DNAH9: variants seen among roughly 807,000 people sequenced by gnomAD.
The protein encoded by DNAH9 is DNAH9 variant protein.
Under a neutral mutation model 471.6 loss-of-function variants are expected in DNAH9, and 345 were observed. The observed-to-expected ratio is 0.73, with a 90% CI of 0.67 to 0.80. The LOEUF (loss-of-function observed/expected upper bound fraction) is 0.80. Ranked by LOEUF, DNAH9 falls within the 30% of genes least tolerant of loss-of-function variation. The pLI is 0.00. For missense variants in DNAH9, 5,407 were observed against 5,609.2 expected (o/e 0.96, Z 1.15); for synonymous variants, 2,093 against 2,123.6 (o/e 0.99, Z 0.40).
chr17:11,680,747 A>G lies in DNAH9; in HGVS notation c.3601A>G (p.Ile1201Val), dbSNP rs1468403050. ...GGAGCTGCCTGAGAAATGGAACAAC[A>G]TAAAAAAGGTGGCCATTACTGTGAA... ...LEELPEKWNN[I>V]KKVAITVKQQ... is the part of the protein sequence containing the mutation. Residue 1201 changes from isoleucine (I) to valine (V), a missense_variant, in exon 19 of 69, where the codon ATA becomes GTA. Physicochemically the swap from Ile to Val is conservative, Grantham distance 29 (BLOSUM62 3). Around this residue, in one of 3 missense-constraint regions of DNAH9, gnomAD observed 4,636 missense variants for 4,900.3 expected, o/e 0.95. Transcript: ENST00000262442. 2 of 1,614,090 alleles carry G rather than the reference A, an allele frequency of 1.2e-6. No individual in the cohort carries two copies. Among genetic ancestry groups the G allele is most frequent in the Non-Finnish European group, 1.7e-6 (2 of 1,180,006 alleles).
At chr17:11,760,602 C>T (rs1194827060) in intron 35 of DNAH9, among the ~76,000 whole-genome samples, 3 of 152,096 alleles carry the variant, frequency 2.0e-5, no homozygotes, top group Non-Finnish European at 4.4e-5. Flanking sequence ...TCACTGCAAC[C>T]TCTGCCTCCC....
intron 55 of DNAH9, among the ~76,000 whole-genome samples, chr17:11,882,489 T>G (rs1972761507): frequency 6.6e-6 from 1 of 152,156 alleles, no homozygotes; most frequent in African/African-American, 2.4e-5. Flanking sequence ...CATGAGAGAT[T>G]GAGTTCAGGG....
At chr17:11,804,369 T>C (rs1317513428) in intron 43 of DNAH9, among the ~76,000 whole-genome samples, 1 of 152,100 alleles carries the variant, frequency 6.6e-6, no homozygotes, top group Non-Finnish European at 1.5e-5. Flanking sequence ...TTTAAAAAAC[T>C]GGAAGATAAA....
intron 45 of DNAH9, among the ~76,000 whole-genome samples, chr17:11,814,858 G>T (rs1456696541): frequency 6.6e-6 from 1 of 152,146 alleles, no homozygotes; most frequent in Non-Finnish European, 1.5e-5. Flanking sequence ...TAACAGACTT[G>T]GCATTGGATT....
intron 48 of DNAH9, among the ~76,000 whole-genome samples, chr17:11,828,597 A>G (rs1054079665): frequency 6.6e-6 from 1 of 152,142 alleles, no homozygotes; most frequent in Non-Finnish European, 1.5e-5. Flanking sequence ...CTAGACCAGC[A>G]CTACCCTTGC....
At chr17:11,669,850 T>C in intron 17 of DNAH9, 56 bp downstream of exon 17, 1 of 1,399,228 alleles carries the variant, frequency 7.1e-7, no homozygotes, top group Non-Finnish European at 9.8e-7. Context: ...GAACACCATG[T>C]TTTTAAACCT....
chr17:11,725,582 T>G (rs545665628), intron 27 of DNAH9, among the ~76,000 whole-genome samples: 1 of 152,224 alleles, frequency 6.6e-6, no homozygotes, highest in East Asian at 1.9e-4. Flanking sequence ...AAGTCTGCCC[T>G]ACATCAGGAC....
intron 30 of DNAH9, among the ~76,000 whole-genome samples, chr17:11,743,363 C>G (rs906332928): frequency 1.3e-5 from 2 of 152,212 alleles, no homozygotes; most frequent in Non-Finnish European, 2.9e-5. Flanking sequence ...TTCCAAGCAC[C>G]CATATCTTTT....
At chr17:11,909,724 T>C (rs1265895562) in intron 61 of DNAH9, among the ~76,000 whole-genome samples, 2 of 151,848 alleles carry the variant, frequency 1.3e-5, no homozygotes, top group Non-Finnish European at 2.9e-5. Context: ...ACTCTCCTCG[T>C]GCTCCCAAAT....
Position 11,744,999 on chromosome 17 carries a change from G to A in DNAH9, c.6314G>A (p.Arg2105Gln), listed in dbSNP as rs761304608. The A allele has an allele frequency of 1.1e-5, 17 of 1,613,948 alleles. No individual in the cohort carries two copies. Among genetic ancestry groups the A allele is most frequent in the East Asian group, 4.5e-5 (2 of 44,882 alleles). Residue 2105 changes from arginine (R) to glutamine (Q), a missense_variant, in exon 31 of 69, where the codon CGG becomes CAG. By Grantham distance (43) the Arg-to-Gln change is conservative. Around this residue, in one of 3 missense-constraint regions of DNAH9, gnomAD observed 4,636 missense variants for 4,900.3 expected, o/e 0.95. Transcript: ENST00000262442. ...GDLFPALDVP[R>Q]RRDPNFEALV... ...CTCTTTCCCGCCCTGGATGTCCCCC[G>A]GAGGAGAGACCCCAACTTCGAAGCT...
At chr17:11,794,746 T>G (rs1238453258) in intron 42 of DNAH9, among the ~76,000 whole-genome samples, 2 of 152,206 alleles carry the variant, frequency 1.3e-5, no homozygotes, top group East Asian at 3.9e-4. Context: ...TTTCCCAAAA[T>G]GTGTCCTGCT....
rs531031838 is a variant in DNAH9, at chr17:11,751,609, A to G, written c.6611-1224A>G. 2.8e-4 allele frequency among the ~76,000 whole-genome samples: 42 copies of G among 152,208 alleles called. No homozygotes were observed. The South Asian group carries it at 8.1e-3, about 29-fold the overall frequency. On this transcript the variant is annotated intron_variant, in intron 32 of 68. Transcript: ENST00000262442. ...AAAATATAATAAATGCTCTGTACCT[A>G]AAGCTGAAATGAAAACAAAGTCATT...
intron 10 of DNAH9, among the ~76,000 whole-genome samples, chr17:11,640,826 C>T (rs2073257804): frequency 6.6e-6 from 1 of 152,162 alleles, no homozygotes. Flanking sequence ...TCCAGGGCCT[C>T]ACCTGTCACT....
Position 11,679,945 on chromosome 17 carries a change from A to C in DNAH9, c.3542A>C (p.Gln1181Pro), listed in dbSNP as rs1017281932. ...QTIELLKTYEQELPETVFKQL... is the reference protein window; with the variant it reads ...QTIELLKTYEPELPETVFKQL... ...ATTGAATTGCTGAAGACCTATGAAC[A>C]AGAATTGCCAGAAACAGTGTTTAAG... Residue 1181 changes from glutamine (Q) to proline (P), a missense_variant, in exon 18 of 69, where the codon CAA (glutamine) becomes CCA (proline). Gln to Pro is a moderately conservative substitution (Grantham distance 76). Transcript: ENST00000262442. The C allele has an allele frequency of 1.2e-6, 2 of 1,613,988 alleles. No homozygotes were observed. Among genetic ancestry groups the C allele is most frequent in the African/African-American group, 2.7e-5 (2 of 74,934 alleles).
At chr17:11,700,564 C>G (rs1373123243) in intron 23 of DNAH9, among the ~76,000 whole-genome samples, 1 of 152,158 alleles carries the variant, frequency 6.6e-6, no homozygotes, top group Non-Finnish European at 1.5e-5. Flanking sequence ...GGATTCTCAT[C>G]TAGTGCCAAA....
intron 46 of DNAH9, 121 bp from the exon 47 acceptor site, chr17:11,822,317 T>C (rs1431813029): frequency 9.6e-6 from 12 of 1,246,304 alleles, no homozygotes; most frequent in South Asian, 7.0e-5. Flanking sequence ...TTTACAGATA[T>C]TATCTCTGTT....
At chr17:11,633,156 G>A (rs1369182241) in intron 8 of DNAH9, among the ~76,000 whole-genome samples, 1 of 152,196 alleles carries the variant, frequency 6.6e-6, no homozygotes, top group Admixed American at 6.5e-5. Context: ...AATACAAAGT[G>A]TATGGAGGAG....
intron 61 of DNAH9, among the ~76,000 whole-genome samples, chr17:11,913,607 C>A (rs1246020552): frequency 6.6e-6 from 1 of 151,850 alleles, no homozygotes; most frequent in Non-Finnish European, 1.5e-5. Flanking sequence ...ACAGTGAAAC[C>A]CCATCTCTAC....
chr17:11,730,890 G>A (rs2075249275), intron 28 of DNAH9, among the ~76,000 whole-genome samples: 2 of 150,602 alleles, frequency 1.3e-5, no homozygotes, highest in African/African-American at 5.0e-5. Flanking sequence ...TGATGATGAT[G>A]GAGATGATAA....
Sources: gnomAD v4.1 joint callset for allele counts (sites outside exome capture counted in the v4.1 genomes callset) on GRCh38, gnomAD v4.1.1 for gene constraint, gnomAD v4.1.1 regional missense constraint, MANE v1.5 for transcripts, NCBI Gene and HGNC (gene_info 2026-07-23, HGNC 2026-07-21) for gene names.